Variants in C12orf57 observed in about 807,000 individuals in gnomAD.
The protein encoded by C12orf57 is protein C10.
A neutral mutation model predicts 11.3 loss-of-function variants in C12orf57; 14 were observed. The observed-to-expected ratio is 1.24, with a 90% CI of 0.82 to 1.94. The LOEUF is 1.94. C12orf57 is among the 30% of genes most tolerant of loss of function. The pLI, the probability that C12orf57 is intolerant of heterozygous loss-of-function variation, is 0.00. For missense variants in C12orf57, 229 were observed against 172.4 expected, an observed-to-expected ratio of 1.33 and a Z score of -1.84; for synonymous variants, 100 against 74.6, an observed-to-expected ratio of 1.34 and a Z score of -1.76.
In C12orf57 at chr12:6,945,801, C is replaced by T; in HGVS notation, c.260C>T (p.Ser87Phe). ...CTTAAGTTTGCTCGCTTGGTCAAGT[C>T]CTACGAAGCCCAGGATCCTGAGATC... ...GVLKFARLVKSYEAQDPEIAS... is the reference protein window; with the variant it reads ...GVLKFARLVKFYEAQDPEIAS... Residue 87 changes from serine (S) to phenylalanine (F), a missense_variant, in exon 3 of 3, where the codon TCC becomes TTC. By Grantham distance (155) the Ser-to-Phe change is radical. Coordinates refer to ENST00000229281, the MANE Select transcript of C12orf57 (RefSeq NM_138425.4). 6.2e-7 allele frequency: 1 copy of T among 1,613,782 alleles called. No individual in the cohort carries two copies. Among genetic ancestry groups the T allele is most frequent in the African/African-American group, 1.3e-5 (1 of 75,014 alleles).
At chr12:6,943,664 TA>T (rs1945685422), upstream of C12orf57, 1 of 1,287,764 alleles carries the variant, frequency 7.8e-7, no homozygotes, top group South Asian at 1.2e-5. Flanking sequence ...ATGACTTAAG[TA>T]AGTTCCTTAG....
upstream of C12orf57, chr12:6,943,674 A>G (rs1180130396): frequency 7.8e-7 from 1 of 1,283,552 alleles, no homozygotes; most frequent in Admixed American, 2.4e-5. Flanking sequence ...TAAGTTCCTT[A>G]GAATATTATT....
intron 2 of C12orf57, chr12:6,944,893 G>A: frequency 7.2e-7 from 1 of 1,391,062 alleles, no homozygotes; most frequent in Non-Finnish European, 9.3e-7. Flanking sequence ...GACCGGAAGT[G>A]TTTCGGGTTT....
upstream of C12orf57, chr12:6,943,719 T>C (rs782635009): frequency 4.7e-6 from 6 of 1,270,480 alleles, no homozygotes; most frequent in African/African-American, 7.7e-5. Context: ...CGTCGTTGTT[T>C]ATACAGTAAT....
intron 2 of C12orf57, among the ~76,000 whole-genome samples, 157 bp from the exon 3 acceptor site, chr12:6,945,614 T>A (rs1945784276): frequency 6.6e-6 from 1 of 152,136 alleles, no homozygotes; most frequent in Non-Finnish European, 1.5e-5. Context: ...AATGTCATCA[T>A]CCAAACCACA....
At chr12:6,943,897 A>C (rs184449622), upstream of C12orf57, 44 of 1,093,676 alleles carry the variant, frequency 4.0e-5, no homozygotes, top group African/African-American at 8.0e-5. Context: ...GTTTGTTGCC[A>C]ATGATAGATT....
Position 6,944,168 on chromosome 12 carries a change from C to T in C12orf57, c.47C>T (p.Ala16Val), listed in dbSNP as rs781877592. ...CCGGCGGCCTTGAGCGCTGAGCAAG[C>T]AAAGGGTGAGAATCGTCCTAGTCAA... ...TQPAALSAEQ[A>V]KVVLAEVIQA... The change falls in exon 1 of 3, where the codon GCA becomes GTA. Residue 16 changes from alanine to valine, a missense_variant. Ala to Val is a moderately conservative substitution (Grantham distance 64). Transcript: ENST00000229281. The T allele has an allele frequency of 5.6e-6, 9 of 1,614,206 alleles. No homozygotes were observed. The highest frequency in any genetic ancestry group is 1.3e-5 in the African/African-American group (1 of 75,074).
At chr12:6,943,951 T>A (rs782269413), upstream of C12orf57, 4 of 1,485,402 alleles carry the variant, frequency 2.7e-6, no homozygotes, top group East Asian at 2.3e-5. Context: ...GTGGTCTTGA[T>A]GCAGTTGTAA....
chr12:6,943,691 AC>A (rs781848877), upstream of C12orf57: 5 of 1,281,154 alleles, frequency 3.9e-6, no homozygotes, highest in South Asian at 6.3e-5. Flanking sequence ...TATTTTTCCT[AC>A]TGAAAGTTAC....
At chr12:6,943,983 G>C (rs1454881159), upstream of C12orf57, 16 of 1,578,840 alleles carry the variant, frequency 1.0e-5, no homozygotes, top group Admixed American at 1.1e-4. Context: ...GAAGGTTTGG[G>C]CCACGCCTGG....
chr12:6,943,776 G>A, upstream of C12orf57: 2 of 1,019,744 alleles, frequency 2.0e-6, no homozygotes, highest in East Asian at 4.8e-5. Flanking sequence ...CAATTGTGGA[G>A]TTCCTTTATA....
rs781938134 is a variant in C12orf57 at position 6,944,034 on chromosome 12, C to A, written c.-88C>A. 71 of 1,610,022 alleles carry A rather than the reference C, an allele frequency of 4.4e-5. No homozygotes were observed. Among genetic ancestry groups the A allele is most frequent in the Middle Eastern group, 1.6e-4 (1 of 6,084 alleles). Reference sequence around the variant, plus strand: ...CCGGATGCTGTTTCCTTTCCGCTCCCAGGGGCGTTGGGAACGGTTGTAGGA... The same window carrying A: ...CCGGATGCTGTTTCCTTTCCGCTCCAAGGGGCGTTGGGAACGGTTGTAGGA... On this transcript the variant is annotated 5_prime_UTR_variant, in exon 1 of 3. Coordinates refer to ENST00000229281, the MANE Select transcript of C12orf57 (RefSeq NM_138425.4).
chr12:6,943,853 T>G (rs782427287), upstream of C12orf57: 9 of 909,406 alleles, frequency 9.9e-6, no homozygotes, highest in Non-Finnish European at 6.2e-6. Flanking sequence ...CTAGTAGGCT[T>G]TCTGGCTTTT....
Position 6,945,723 on chromosome 12 carries a change from G to A in C12orf57, c.230-48G>A, listed in dbSNP as rs782721139. On this transcript the variant is annotated intron_variant, in intron 2 of 2. Coordinates refer to ENST00000229281, the MANE Select transcript of C12orf57 (RefSeq NM_138425.4). ...CTACCACCCCCTCCAGGTGTCTTAG[G>A]CACGCTGGTCCTTAGGAGAAGGGTT... The A allele has an allele frequency of 8.1e-6, 13 of 1,598,570 alleles. No homozygotes were observed. The East Asian group carries it at 2.2e-4, about 28-fold the overall frequency.
chr12:6,945,365 TG>T (rs367930256), intron 2 of C12orf57, among the ~76,000 whole-genome samples: 13 of 151,510 alleles, frequency 8.6e-5, no homozygotes, highest in Non-Finnish European at 1.0e-4. Flanking sequence ...AATTTTTGTT[TG>T]GGGGGGGTTG....
chr12:6,944,731 C>T (rs782162627), intron 2 of C12orf57, 79 bp downstream of exon 2: 1 of 1,590,682 alleles, frequency 6.3e-7, no homozygotes, highest in Non-Finnish European at 8.6e-7. Context: ...TCTGTGGGCC[C>T]ATGAGCGGTT....
intron 2 of C12orf57, among the ~76,000 whole-genome samples, chr12:6,945,379 G>C (rs1400334392): frequency 1.4e-4 from 22 of 152,126 alleles, no homozygotes; most frequent in Admixed American, 1.4e-3. Flanking sequence ...GGGGGTTGGT[G>C]GTTAAATTTT....
intron 2 of C12orf57, 32 bp from the exon 3 acceptor site, chr12:6,945,739 G>C: frequency 6.2e-7 from 1 of 1,610,578 alleles, no homozygotes; most frequent in Non-Finnish European, 8.5e-7. Context: ...TGGTCCTTAG[G>C]AGAAGGGTTG....
chr12:6,943,848 AG>A, upstream of C12orf57: 1 of 899,164 alleles, frequency 1.1e-6, no homozygotes. Flanking sequence ...TTTGTCTAGT[AG>A]GCTTTCTGGC....
Sources: gnomAD v4.1 joint callset for allele counts (sites outside exome capture counted in the v4.1 genomes callset) on GRCh38, gnomAD v4.1.1 for gene constraint, MANE v1.5 for transcripts, NCBI Gene and HGNC (gene_info 2026-07-23, HGNC 2026-07-21) for gene names.